ACBD6: variants seen among roughly 807,000 people sequenced by gnomAD.
The protein encoded by ACBD6 is acyl-CoA-binding domain-containing protein 6.
In ACBD6, 28 loss-of-function variants were observed where a neutral mutation model predicts 37.2. That is an observed-to-expected ratio of 0.75 (90% CI 0.56 to 1.03). The LOEUF (loss-of-function observed/expected upper bound fraction) is 1.03. Ranked by LOEUF, ACBD6 falls within the 50% of genes least tolerant of loss-of-function variation. The pLI is 0.00. For missense variants in ACBD6, 340 were observed against 337.4 expected (o/e 1.01, Z -0.06); for synonymous variants, 113 against 126.8 (o/e 0.89, Z 0.73).
At chr1:180,492,888 A>G (rs1486039500) in intron 2 of ACBD6, among the ~76,000 whole-genome samples, 2 of 152,176 alleles carry the variant, frequency 1.3e-5, no homozygotes, top group Non-Finnish European at 2.9e-5. Flanking sequence ...TCTCATCTAT[A>G]AGCTTCTAGT....
In ACBD6 at chr1:180,314,270, A is replaced by C. The variant is rs1650704153; in HGVS notation, c.694+422T>G. Reference sequence around the variant, plus strand: ...TTATTAATATTTTTTTTTGAGATGGAGTCTCACTATGTCACCCAGGCTGGA... The same window carrying C: ...TTATTAATATTTTTTTTTGAGATGGCGTCTCACTATGTCACCCAGGCTGGA... On this transcript the variant is annotated intron_variant, in intron 7 of 7. Transcript: ENST00000367595. 3.9e-5 allele frequency among the ~76,000 whole-genome samples: 6 copies of C among 152,110 alleles called. No individual in the cohort carries two copies. The South Asian group carries it at 1.2e-3, about 31-fold the overall frequency.
exon 14 of ACBD6, chr1:180,271,335 G>A (rs766017427): frequency 1.9e-6 from 3 of 1,610,856 alleles, no homozygotes; most frequent in Non-Finnish European, 2.5e-6. Context: ...AGGCGCAGCT[G>A]CTGCAGATAG....
intron 6 of ACBD6, among the ~76,000 whole-genome samples, chr1:180,355,081 G>A (rs1652571157): frequency 6.6e-6 from 1 of 152,132 alleles, no homozygotes; most frequent in Non-Finnish European, 1.5e-5. Flanking sequence ...AAACAATGAT[G>A]GTAGTGGCTA....
chr1:180,462,205 C>T (rs1216095433), intron 3 of ACBD6, among the ~76,000 whole-genome samples: 1 of 151,886 alleles, frequency 6.6e-6, no homozygotes, highest in Non-Finnish European at 1.5e-5. Flanking sequence ...CCATGGCACT[C>T]CAACCTGGAC....
chr1:180,278,405 G>A (rs2149271942), intron 9 of ACBD6: 1 of 152,176 alleles, frequency 6.6e-6, no homozygotes, highest in Non-Finnish European at 1.5e-5. Flanking sequence ...TCTAAACAGT[G>A]AGTGACTGGA....
At chr1:180,352,963 T>TGC (rs1171876767) in intron 6 of ACBD6, among the ~76,000 whole-genome samples, 1 of 152,232 alleles carries the variant, frequency 6.6e-6, no homozygotes, top group Non-Finnish European at 1.5e-5. Flanking sequence ...TATTACGACT[T>TGC]ATAGCAACTT....
At chr1:180,362,910 T>C (rs6425625) in intron 6 of ACBD6, among the ~76,000 whole-genome samples, 111,829 of 152,160 alleles carry the variant, frequency 0.73, 43,655 homozygotes, top group Non-Finnish European at 0.88. Flanking sequence ...ATAGAACCTA[T>C]GCTAATCCCA....
At chr1:180,358,552 AC>A in intron 6 of ACBD6, among the ~76,000 whole-genome samples, 1 of 33,590 alleles carries the variant, frequency 3.0e-5, no homozygotes, top group African/African-American at 5.9e-5. Context: ...TCATACAGAA[AC>A]CCCAAAAAAA....
intron 3 of ACBD6, among the ~76,000 whole-genome samples, chr1:180,475,698 G>A (rs934913832): frequency 6.6e-6 from 1 of 152,014 alleles, no homozygotes; most frequent in Non-Finnish European, 1.5e-5. Flanking sequence ...CAATAGTTTG[G>A]TCCTATTTAG....
At chr1:180,475,527 C>T (rs886264762) in intron 3 of ACBD6, among the ~76,000 whole-genome samples, 1 of 152,126 alleles carries the variant, frequency 6.6e-6, no homozygotes, top group African/African-American at 2.4e-5. Context: ...ACTGGGACCA[C>T]AGGTGTAAAC....
At chr1:180,482,998 G>A (rs1358914057) in intron 3 of ACBD6, among the ~76,000 whole-genome samples, 1 of 152,106 alleles carries the variant, frequency 6.6e-6, no homozygotes, top group African/African-American at 2.4e-5. Context: ...GAATACCTAA[G>A]TCTTTTTACA....
intron 6 of ACBD6, among the ~76,000 whole-genome samples, chr1:180,359,902 T>C (rs1451168381): frequency 2.0e-5 from 3 of 152,214 alleles, no homozygotes; most frequent in South Asian, 4.1e-4. Flanking sequence ...TATTTTTAAG[T>C]AAAATATTAC....
intron 6 of ACBD6, among the ~76,000 whole-genome samples, chr1:180,321,846 A>G (rs1072856): frequency 0.072 from 10,930 of 152,124 alleles, 1,228 homozygotes; most frequent in African/African-American, 0.24. Flanking sequence ...TTCCTTTCCA[A>G]TTTGGATGCC....
intron 6 of ACBD6, among the ~76,000 whole-genome samples, chr1:180,358,846 G>A (rs1272806514): frequency 1.3e-5 from 2 of 152,208 alleles, no homozygotes; most frequent in Non-Finnish European, 2.9e-5. Flanking sequence ...GGATATCAGA[G>A]CAGTGGAGAG....
At chr1:180,436,875 T>C (rs1649059004) in intron 3 of ACBD6, among the ~76,000 whole-genome samples, 2 of 152,192 alleles carry the variant, frequency 1.3e-5, no homozygotes, top group Non-Finnish European at 2.9e-5. Context: ...GTTAACAACA[T>C]ACTCAGTGGT....
chr1:180,399,568 A>G (rs1335917996), intron 5 of ACBD6, among the ~76,000 whole-genome samples: 2 of 152,046 alleles, frequency 1.3e-5, no homozygotes, highest in Non-Finnish European at 2.9e-5. Flanking sequence ...ACGCCCAGCC[A>G]GAAGTTATTT....
chr1:180,286,952 A>G (rs545647363), downstream of ACBD6: 35 of 152,324 alleles, frequency 2.3e-4, no homozygotes, highest in Admixed American at 2.0e-3. Context: ...TGTTAGAAAA[A>G]TTATCTTTTA....
chr1:180,353,123 A>C (rs1447592465), intron 6 of ACBD6, among the ~76,000 whole-genome samples: 1 of 152,194 alleles, frequency 6.6e-6, no homozygotes, highest in African/African-American at 2.4e-5. Context: ...TGTATGCTCC[A>C]AAAGAACGTG....
chr1:180,361,273 T>C (rs1414683329), intron 6 of ACBD6, among the ~76,000 whole-genome samples: 1 of 92,020 alleles, frequency 1.1e-5, no homozygotes, highest in African/African-American at 5.1e-5. Context: ...ACTTTTTTTT[T>C]CCTTTTTTTT....
Sources: allele counts gnomAD v4.1 joint callset (sites outside exome capture counted in the v4.1 genomes callset), GRCh38; gene constraint gnomAD v4.1.1; transcripts MANE v1.5; gene names NCBI Gene and HGNC (gene_info 2026-07-23, HGNC 2026-07-21).